The following FLT1 variants were observed in gnomAD, a reference collection of about 807,000 sequenced individuals.
FLT1 encodes vascular endothelial growth factor receptor 1.
A neutral mutation model predicts 156.3 loss-of-function variants in FLT1; 49 were observed. That is an observed-to-expected ratio of 0.31 (90% CI 0.25 to 0.40). FLT1 has a LOEUF of 0.40. Ranked by LOEUF, FLT1 falls within the 10% of genes least tolerant of loss-of-function variation. The probability of loss-of-function intolerance (pLI) is 1.00; values close to 1 mark genes in which losing one functional copy is unlikely to be tolerated. For missense variants in FLT1, 1,322 were observed against 1,637.2 expected (o/e 0.81, Z 3.32); for synonymous variants, 594 against 583.8 (o/e 1.02, Z -0.25).
chr13:28,396,659 G>C, intron 12 of FLT1: 1 of 482,132 alleles, frequency 2.1e-6, no homozygotes, highest in Non-Finnish European at 3.8e-6. Flanking sequence ...CTATGTACCA[G>C]ACCCTGTGCT....
intron 16 of FLT1, among the ~76,000 whole-genome samples, chr13:28,342,622 T>A (rs1326429815): frequency 6.6e-6 from 1 of 152,168 alleles, no homozygotes; most frequent in East Asian, 1.9e-4. Flanking sequence ...TATTGGTTGT[T>A]AATATCAAAT....
At chr13:28,370,823 T>A (rs1200980807) in intron 14 of FLT1, among the ~76,000 whole-genome samples, 1 of 152,234 alleles carries the variant, frequency 6.6e-6, no homozygotes, top group Non-Finnish European at 1.5e-5. Flanking sequence ...CCATAGCCTA[T>A]CCACAAGGTT....
intron 14 of FLT1, chr13:28,368,781 T>G: frequency 1.7e-6 from 1 of 592,898 alleles, no homozygotes; most frequent in Non-Finnish European, 3.0e-6. Context: ...CTCTGCGCAC[T>G]GCAATCTCCA....
At chr13:28,468,917 A>AT (rs954037295) in intron 1 of FLT1, among the ~76,000 whole-genome samples, 1 of 152,150 alleles carries the variant, frequency 6.6e-6, no homozygotes, top group African/African-American at 2.4e-5. Flanking sequence ...CAGCCTCATG[A>AT]TTTTTTGAAC....
intron 4 of FLT1, 75 bp from the exon 5 acceptor site, chr13:28,434,295 G>GAA: frequency 7.3e-7 from 1 of 1,371,164 alleles, no homozygotes; most frequent in East Asian, 2.3e-5. Context: ...AGCAGTTTGT[G>GAA]AAAACATGAT....
chr13:28,335,438 G>A (rs548890394), intron 17 of FLT1, among the ~76,000 whole-genome samples: 2 of 151,948 alleles, frequency 1.3e-5, no homozygotes, highest in Non-Finnish European at 2.9e-5. Context: ...TCCCCAAAGG[G>A]CATTTTTAAA....
At chr13:28,494,539 G>C (rs1022928452) in intron 1 of FLT1, among the ~76,000 whole-genome samples, 1 of 152,174 alleles carries the variant, frequency 6.6e-6, no homozygotes, top group Admixed American at 6.5e-5. Context: ...GCGCGGACCC[G>C]GTCTGAGCGC....
intron 15 of FLT1, chr13:28,345,756 CATGAACTCACATA>C (rs895297063): frequency 9.7e-5 from 53 of 543,602 alleles, no homozygotes; most frequent in Admixed American, 6.4e-4. Flanking sequence ...AGGCAGTATA[CATGAACTCACATA>C]ATGAACTCAC....
chr13:28,372,658 C>T (rs1270785744), intron 14 of FLT1, among the ~76,000 whole-genome samples: 2 of 142,216 alleles, frequency 1.4e-5, no homozygotes, highest in African/African-American at 2.6e-5. Context: ...CCAAGGTGGG[C>T]AGATCACGAG....
rs1411409396 is a variant in FLT1, at chr13:28,381,015, C to T, written c.2116+3870G>A. Among the ~76,000 whole-genome samples, 6 of 152,190 alleles carry T rather than the reference C, an allele frequency of 3.9e-5. No homozygotes were observed. The East Asian group carries it at 1.2e-3, about 29-fold the overall frequency. The stretch of plus-strand genomic sequence containing the variant: ...ATGCTAGGACTCAAGCCCTGATCTC[C>T]CCAGCACACTGGACTCTTTTTTTGC... On this transcript the variant is annotated intron_variant, in intron 14 of 29. Transcript: ENST00000282397.
At chr13:28,404,684 C>T (rs1355661711) in intron 11 of FLT1, among the ~76,000 whole-genome samples, 1 of 152,118 alleles carries the variant, frequency 6.6e-6, no homozygotes, top group African/African-American at 2.4e-5. Context: ...TATATGTAAA[C>T]AGACATGTCA....
At chr13:28,332,903 G>C (rs1314732539) in intron 18 of FLT1, among the ~76,000 whole-genome samples, 4 of 152,172 alleles carry the variant, frequency 2.6e-5, no homozygotes, top group African/African-American at 9.7e-5. Flanking sequence ...TGCAGGGAGG[G>C]TGCTAGCATG....
intron 10 of FLT1, among the ~76,000 whole-genome samples, chr13:28,407,425 C>A (rs1413794950): frequency 6.6e-6 from 1 of 151,932 alleles, no homozygotes; most frequent in East Asian, 1.9e-4. Flanking sequence ...TCTAGCCTGG[C>A]CAAATGAAGG....
intron 15 of FLT1, chr13:28,345,956 A>G (rs1358282199): frequency 6.5e-6 from 1 of 154,586 alleles, no homozygotes; most frequent in Non-Finnish European, 1.4e-5. Context: ...TTTTAGAGGA[A>G]ATTCTAAAAA....
At chr13:28,336,742 C>CTTT (rs548520953) in intron 17 of FLT1, among the ~76,000 whole-genome samples, 16 of 130,206 alleles carry the variant, frequency 1.2e-4, no homozygotes, top group African/African-American at 2.1e-4. Context: ...ATTATTCTAA[C>CTTT]TTTTTTTTTT....
intron 18 of FLT1, 33 bp from the exon 19 acceptor site, chr13:28,329,761 A>G (rs1300376154): frequency 6.5e-7 from 1 of 1,548,196 alleles, no homozygotes. Flanking sequence ...TCAGGGCGAC[A>G]GGACAATGGG....
intron 11 of FLT1, among the ~76,000 whole-genome samples, chr13:28,397,615 G>A (rs1373597848): frequency 6.6e-6 from 1 of 151,938 alleles, no homozygotes; most frequent in Non-Finnish European, 1.5e-5. Flanking sequence ...TTGAACTTCT[G>A]GGCTCAAGCA....
intron 3 of FLT1, among the ~76,000 whole-genome samples, chr13:28,451,187 C>G (rs1480773606): frequency 6.6e-6 from 1 of 152,198 alleles, no homozygotes; most frequent in East Asian, 1.9e-4. Context: ...CTTTGGGAGG[C>G]CGAGGTGGGA....
chr13:28,458,454 G>C (rs1301582697), intron 3 of FLT1, among the ~76,000 whole-genome samples: 1 of 152,232 alleles, frequency 6.6e-6, no homozygotes, highest in Non-Finnish European at 1.5e-5. Flanking sequence ...GAGAGCCCCA[G>C]AAATTGTTTT....
Sources: allele counts gnomAD v4.1 joint callset (sites outside exome capture counted in the v4.1 genomes callset), GRCh38; gene constraint gnomAD v4.1.1; transcripts MANE v1.5; gene names NCBI Gene and HGNC (gene_info 2026-07-23, HGNC 2026-07-21).